Variants in SLF1 observed in about 807,000 individuals in gnomAD.
The protein encoded by SLF1 is SMC5-SMC6 complex localization factor protein 1.
Under a neutral mutation model 123.0 loss-of-function variants are expected in SLF1, and 105 were observed. The observed-to-expected ratio is 0.85, with a 90% CI of 0.73 to 1.00. The LOEUF is 1.00. Ranked by LOEUF, SLF1 falls within the 50% of genes least tolerant of loss-of-function variation. SLF1 has a pLI of 0.00. For synonymous variants in SLF1, 434 were observed against 406.6 expected, an observed-to-expected ratio of 1.07 and a Z score of -0.81; for missense variants, 1,239 against 1,223.0, an observed-to-expected ratio of 1.01 and a Z score of -0.20.
chr5:94,654,394 G>GAAAAAAAAAAAAAAAAAAAA (rs11427225), intron 8 of SLF1, among the ~76,000 whole-genome samples: 2 of 106,736 alleles, frequency 1.9e-5, no homozygotes, highest in Non-Finnish European at 4.1e-5. Context: ...AGAGTAAAAA[G>GAAAAAAAAAAAAAAAAAAAA]AAAAAAAAAA....
intron 4 of SLF1, among the ~76,000 whole-genome samples, chr5:94,637,706 A>G (rs775915089): frequency 5.3e-5 from 8 of 152,044 alleles, no homozygotes; most frequent in Non-Finnish European, 1.2e-4. Context: ...ACTTTAATGA[A>G]GTACACTGTG....
chr5:94,638,615 C>T (rs1746084495), intron 4 of SLF1, among the ~76,000 whole-genome samples: 1 of 152,340 alleles, frequency 6.6e-6, no homozygotes, highest in Non-Finnish European at 1.5e-5. Flanking sequence ...GCCTCCAGTT[C>T]TCTTTGCCCA....
chr5:94,689,344 C>T, intron 17 of SLF1, 129 bp from the exon 18 acceptor site: 2 of 901,074 alleles, frequency 2.2e-6, no homozygotes, highest in Non-Finnish European at 3.1e-6. Flanking sequence ...AATTAGAAAG[C>T]AGTAAAGATT....
chr5:94,691,644 A>T lies in SLF1; in HGVS notation c.2500A>T (p.Ile834Phe), dbSNP rs762284950. The T allele has an allele frequency of 1.9e-6, 3 of 1,608,390 alleles. No individual in the cohort carries two copies. The highest frequency in any genetic ancestry group is 1.7e-6 in the Non-Finnish European group (2 of 1,177,900). The change falls in exon 19 of 21, where the codon ATC becomes TTC. Residue 834 changes from isoleucine to phenylalanine, a missense_variant. By Grantham distance (21) the Ile-to-Phe change is conservative (BLOSUM62 0). Transcript: ENST00000265140. ...TCTTCTCTCTTTGCCAGGAATAGAC[A>T]TCAATGTTAAAGGTAAGTTTTAAAT... ...ILLLSLPGIDINVKDNAGWTP... is the reference protein window; with the variant it reads ...ILLLSLPGIDFNVKDNAGWTP...
At chr5:94,674,130 G>T (rs1750784076) in intron 14 of SLF1, among the ~76,000 whole-genome samples, 1 of 151,968 alleles carries the variant, frequency 6.6e-6, no homozygotes, top group Admixed American at 6.6e-5. Flanking sequence ...AATCATTAAG[G>T]ATAGAAAATA....
intron 5 of SLF1, among the ~76,000 whole-genome samples, chr5:94,647,661 A>G (rs2152476732): frequency 6.6e-6 from 1 of 152,374 alleles, no homozygotes; most frequent in East Asian, 1.9e-4. Context: ...ACGTAAGTTG[A>G]CACTAAGATA....
intron 1 of SLF1, among the ~76,000 whole-genome samples, chr5:94,621,375 AAAAT>A (rs1187864384): frequency 1.3e-5 from 2 of 152,198 alleles, no homozygotes; most frequent in African/African-American, 4.8e-5. Context: ...CTGCACAAGA[AAAAT>A]AAATAGCACT....
chr5:94,622,358 C>A (rs1791873901), intron 1 of SLF1, among the ~76,000 whole-genome samples: 1 of 152,068 alleles, frequency 6.6e-6, no homozygotes, highest in South Asian at 2.1e-4. Flanking sequence ...GGTTTAAAAT[C>A]AAAAGAATTC....
intron 1 of SLF1, among the ~76,000 whole-genome samples, chr5:94,627,550 A>T (rs1214799802): frequency 7.1e-6 from 1 of 141,670 alleles, no homozygotes; most frequent in Admixed American, 7.4e-5. Context: ...CCAAAAAGTG[A>T]TTTTTTCAGT....
intron 1 of SLF1, among the ~76,000 whole-genome samples, chr5:94,622,922 AT>A (rs1331458178): frequency 2.0e-5 from 3 of 151,924 alleles, no homozygotes; most frequent in African/African-American, 7.3e-5. Flanking sequence ...CCTGTCTCTC[AT>A]TTTTGTAGCA....
At chr5:94,647,553 T>A (rs1292203979) in intron 5 of SLF1, among the ~76,000 whole-genome samples, 1 of 135,684 alleles carries the variant, frequency 7.4e-6, no homozygotes, top group East Asian at 2.1e-4. Context: ...CTTTTAGTTA[T>A]CCTTTAGTGC....
chr5:94,689,411 A>G, intron 17 of SLF1, 62 bp from the exon 18 acceptor site: 1 of 1,524,984 alleles, frequency 6.6e-7, no homozygotes, highest in Non-Finnish European at 8.9e-7. Context: ...AATACCATCT[A>G]ATGTATGCTG....
chr5:94,695,077 A>G lies in SLF1; in HGVS notation c.2942A>G (p.Lys981Arg). 1.2e-6 allele frequency: 2 copies of G among 1,612,622 alleles called. No homozygotes were observed. Among genetic ancestry groups the G allele is most frequent in the Admixed American group, 1.7e-5 (1 of 59,784 alleles). The change falls in exon 21 of 21, where the codon AAA becomes AGA. Residue 981 changes from lysine to arginine, a missense_variant. Transcript: ENST00000265140. ...DLSSEFILAS[K>R]GLTHLNELLM... The stretch of plus-strand genomic sequence containing the variant: ...TCTTCAGAGTTCATTTTAGCTTCCA[A>G]AGGGTTAACTCATCTAAATGAACTG...
intron 1 of SLF1, among the ~76,000 whole-genome samples, chr5:94,627,776 T>C (rs1291426195): frequency 6.6e-6 from 1 of 151,298 alleles, no homozygotes; most frequent in African/African-American, 2.4e-5. Flanking sequence ...CTGTGGAGTA[T>C]AAAATCTGAT....
At chr5:94,640,192 G>A (rs547159307) in intron 4 of SLF1, among the ~76,000 whole-genome samples, 46 of 152,078 alleles carry the variant, frequency 3.0e-4, no homozygotes, top group South Asian at 6.2e-4. Context: ...AAGTGTGCTG[G>A]TAATGATTTA....
At chr5:94,686,897 C>G (rs776802853) in intron 16 of SLF1, among the ~76,000 whole-genome samples, 179 bp downstream of exon 16, 6 of 152,216 alleles carry the variant, frequency 3.9e-5, no homozygotes, top group Non-Finnish European at 8.8e-5. Context: ...ATGGCATTCT[C>G]CTGCCTCAGC....
At chr5:94,679,633 T>G (rs1319997309) in intron 15 of SLF1, among the ~76,000 whole-genome samples, 1 of 152,062 alleles carries the variant, frequency 6.6e-6, no homozygotes, top group Non-Finnish European at 1.5e-5. Flanking sequence ...CTACTATTTT[T>G]TTCCCCATTG....
chr5:94,619,678 CAA>C (rs1791489677), intron 1 of SLF1, among the ~76,000 whole-genome samples: 1 of 152,130 alleles, frequency 6.6e-6, no homozygotes, highest in Admixed American at 6.5e-5. Context: ...GTGTGACAGA[CAA>C]TGCACCTTGT....
chr5:94,694,093 T>G (rs1191652811), intron 20 of SLF1, among the ~76,000 whole-genome samples: 3 of 151,944 alleles, frequency 2.0e-5, no homozygotes, highest in Non-Finnish European at 4.4e-5. Context: ...CATAAATAAT[T>G]ATAAGACTTG....
Sources: gnomAD v4.1 joint callset for allele counts (sites outside exome capture counted in the v4.1 genomes callset) on GRCh38, gnomAD v4.1.1 for gene constraint, MANE v1.5 for transcripts, NCBI Gene and HGNC (gene_info 2026-07-23, HGNC 2026-07-21) for gene names.